CSMD1: variants seen among roughly 807,000 people sequenced by gnomAD.
The protein encoded by CSMD1 is CUB and Sushi multiple domains 1.
In CSMD1, 213 loss-of-function variants were observed where a neutral mutation model predicts 417.5. That is an observed-to-expected ratio of 0.51 (90% CI 0.46 to 0.57). CSMD1 has a LOEUF of 0.57. Ranked by LOEUF, CSMD1 falls within the 20% of genes least tolerant of loss-of-function variation. CSMD1 has a pLI of 0.00. For missense variants in CSMD1, 6,923 were observed against 4,529.7 expected (o/e 1.53, Z -15.17); for synonymous variants, 2,862 against 1,736.8 (o/e 1.65, Z -16.11).
chr8:3,294,663 T>C (rs139612604), intron 25 of CSMD1, among the ~76,000 whole-genome samples: 200 of 152,286 alleles, frequency 1.3e-3, no homozygotes, highest in African/African-American at 4.5e-3. Flanking sequence ...GCTAAGACCA[T>C]TGGAAAAGCA....
intron 26 of CSMD1, among the ~76,000 whole-genome samples, chr8:3,232,134 C>T (rs903030276): frequency 3.9e-5 from 6 of 152,198 alleles, no homozygotes; most frequent in African/African-American, 1.4e-4. Flanking sequence ...TTCCCCATAT[C>T]ACCTTCTTCC....
chr8:4,500,443 A>G (rs755551617), intron 2 of CSMD1, among the ~76,000 whole-genome samples: 15 of 152,204 alleles, frequency 9.9e-5, no homozygotes, highest in Admixed American at 3.3e-4. Flanking sequence ...TAGATCGTGT[A>G]AACAAACTAT....
At chr8:4,096,773 G>C (rs1436359569) in intron 3 of CSMD1, among the ~76,000 whole-genome samples, 1 of 152,198 alleles carries the variant, frequency 6.6e-6, no homozygotes, top group Non-Finnish European at 1.5e-5. Flanking sequence ...CAATTTAGAA[G>C]ACACTTGCGG....
chr8:3,824,545 T>C (rs1001894510), intron 5 of CSMD1, among the ~76,000 whole-genome samples: 8 of 152,332 alleles, frequency 5.3e-5, no homozygotes, highest in Non-Finnish European at 7.3e-5. Flanking sequence ...TGAATTAACA[T>C]GCACTGCAAG....
chr8:4,154,971 C>T (rs1236433535), intron 3 of CSMD1, among the ~76,000 whole-genome samples: 2 of 152,258 alleles, frequency 1.3e-5, no homozygotes, highest in South Asian at 2.1e-4. Flanking sequence ...AAGTGGGCTA[C>T]CCTAATGCTA....
intron 1 of CSMD1, among the ~76,000 whole-genome samples, chr8:4,857,688 C>A (rs1180013021): frequency 1.3e-5 from 2 of 152,006 alleles, no homozygotes; most frequent in Non-Finnish European, 2.9e-5. Flanking sequence ...TTCCTGGACA[C>A]ATACACTCTC....
intron 3 of CSMD1, among the ~76,000 whole-genome samples, chr8:4,140,829 C>A (rs925179105): frequency 4.0e-5 from 6 of 150,986 alleles, no homozygotes; most frequent in Non-Finnish European, 8.8e-5. Context: ...AGCACCCTCA[C>A]TCCAGGTTTC....
In CSMD1 at chr8:3,616,795, T is replaced by C; in HGVS notation, c.1012A>G (p.Ser338Gly). The C allele has an allele frequency of 6.2e-7, 1 of 1,606,770 alleles. No homozygotes were observed. The highest frequency in any genetic ancestry group is 8.5e-7 in the Non-Finnish European group (1 of 1,174,840). ...GAGACCAATGCAACACCTCCTTGGC[T>C]CACTGTAATAGACAGAAACATTGTC... ...KDGSHKNSVLSQGGVALVSDM... is the reference protein window; with the variant it reads ...KDGSHKNSVLGQGGVALVSDM... The change falls in exon 8 of 70, where the codon AGC becomes GGC. Residue 338 changes from serine to glycine, a missense_variant and splice_region_variant. Physicochemically the swap from Ser to Gly is moderately conservative, Grantham distance 56 (BLOSUM62 0). Coordinates refer to ENST00000635120, the MANE Select transcript of CSMD1 (RefSeq NM_033225.6).
chr8:3,753,368 A>G (rs960449761), intron 6 of CSMD1, among the ~76,000 whole-genome samples: 1 of 152,228 alleles, frequency 6.6e-6, no homozygotes, highest in Non-Finnish European at 1.5e-5. Context: ...TATAAACCTT[A>G]GAAACCAGAG....
chr8:3,101,944 G>T (rs1016948541), intron 46 of CSMD1, among the ~76,000 whole-genome samples: 1 of 151,814 alleles, frequency 6.6e-6, no homozygotes, highest in East Asian at 1.9e-4. Flanking sequence ...TGGGATTACA[G>T]ATGTCTGCCA....
At chr8:3,818,989 G>T (rs1038733516) in intron 5 of CSMD1, among the ~76,000 whole-genome samples, 2 of 152,180 alleles carry the variant, frequency 1.3e-5, no homozygotes, top group African/African-American at 2.4e-5. Context: ...GAGGGGAAAA[G>T]CTGACATCAA....
chr8:4,157,854 C>G (rs1272784006), intron 3 of CSMD1, among the ~76,000 whole-genome samples: 2 of 152,162 alleles, frequency 1.3e-5, no homozygotes, highest in Non-Finnish European at 1.5e-5. Flanking sequence ...AAACAGGATG[C>G]TGAAGTTGGG....
chr8:4,881,592 A>G (rs1687881594), intron 1 of CSMD1, among the ~76,000 whole-genome samples: 1 of 144,354 alleles, frequency 6.9e-6, no homozygotes, highest in African/African-American at 2.6e-5. Flanking sequence ...GCTCAAATTT[A>G]TTCAATAAAT....
chr8:4,757,043 G>A (rs574535900), intron 1 of CSMD1, among the ~76,000 whole-genome samples: 2 of 152,348 alleles, frequency 1.3e-5, no homozygotes, highest in South Asian at 2.1e-4. Flanking sequence ...ATGCAGGAAT[G>A]CATTGTGTTT....
chr8:3,707,668 C>T (rs1801249043), intron 7 of CSMD1, among the ~76,000 whole-genome samples: 1 of 152,146 alleles, frequency 6.6e-6, no homozygotes, highest in South Asian at 2.1e-4. Context: ...GAGCTGACTG[C>T]ACCTGCAGAG....
At chr8:3,921,079 T>A (rs1161902523) in intron 5 of CSMD1, among the ~76,000 whole-genome samples, 1 of 152,174 alleles carries the variant, frequency 6.6e-6, no homozygotes, top group Non-Finnish European at 1.5e-5. Flanking sequence ...TAAAATTTAG[T>A]AGTGAAGGTA....
intron 20 of CSMD1, among the ~76,000 whole-genome samples, chr8:3,365,911 G>C (rs753193320): frequency 6.6e-6 from 1 of 152,188 alleles, no homozygotes; most frequent in Non-Finnish European, 1.5e-5. Flanking sequence ...CAGTAGAGCT[G>C]TTGTTTATAT....
At chr8:4,579,362 GTGTT>G (rs1464310683) in intron 2 of CSMD1, among the ~76,000 whole-genome samples, 2 of 151,786 alleles carry the variant, frequency 1.3e-5, no homozygotes, top group Non-Finnish European at 2.9e-5. Context: ...GTGTGTGTGT[GTGTT>G]TGTGTATGTT....
At chr8:4,519,433 G>A (rs1417529212) in intron 2 of CSMD1, among the ~76,000 whole-genome samples, 1 of 151,854 alleles carries the variant, frequency 6.6e-6, no homozygotes, top group Non-Finnish European at 1.5e-5. Context: ...AATTTTTAAA[G>A]TAGTTAATCA....
Sources: allele counts gnomAD v4.1 joint callset (sites outside exome capture counted in the v4.1 genomes callset), GRCh38; gene constraint gnomAD v4.1.1; transcripts MANE v1.5; gene names NCBI Gene and HGNC (gene_info 2026-07-23, HGNC 2026-07-21).